Variants in ELAPOR1 observed in about 807,000 individuals in gnomAD.
ELAPOR1 encodes endosome-lysosome associated apoptosis and autophagy regulator 1.
ELAPOR1 carries 77 observed loss-of-function variants against 119.7 expected under a neutral mutation model. That is an observed-to-expected ratio of 0.64 (90% CI 0.54 to 0.78). The LOEUF is 0.78. Among genes scored for constraint, ELAPOR1 ranks in the 30% least tolerant of loss-of-function variants. The pLI, the probability that ELAPOR1 is intolerant of heterozygous loss-of-function variation, is 0.00. For synonymous variants in ELAPOR1, 481 were observed against 487.2 expected, an observed-to-expected ratio of 0.99 and a Z score of 0.17; for missense variants, 1,115 against 1,270.4, an observed-to-expected ratio of 0.88 and a Z score of 1.86.
At position 109,195,222 on chromosome 1, in the gene ELAPOR1, G is replaced by A. The variant is rs144304015; in HGVS notation, c.2121+628G>A. 2.5e-3 allele frequency among the ~76,000 whole-genome samples: 376 copies of A among 152,224 alleles called. 11 individuals are homozygous for A. The East Asian group carries it at 0.031, about 12-fold the overall frequency. On this transcript the variant is annotated intron_variant, in intron 15 of 21. Transcript: ENST00000369939. ...AATATGCAGGAGGAAGGCTAGGCGC[G>A]GTGGCTCACGCCTGTAAACCCAGCA... is the stretch of plus-strand genomic sequence containing the variant.
intron 1 of ELAPOR1, among the ~76,000 whole-genome samples, chr1:109,154,141 C>A (rs971561180): frequency 2.0e-5 from 3 of 151,370 alleles, no homozygotes; most frequent in African/African-American, 4.9e-5. Context: ...ATTAGCTGGG[C>A]ATGGTGGTGC....
chr1:109,184,916 A>T, intron 7 of ELAPOR1, 129 bp from the exon 8 acceptor site: 1 of 734,676 alleles, frequency 1.4e-6, no homozygotes, highest in Non-Finnish European at 2.4e-6. Flanking sequence ...AGTGTGCAGG[A>T]TTTTCTACTT....
chr1:109,126,990 G>T (rs1263963705), intron 1 of ELAPOR1, among the ~76,000 whole-genome samples: 1 of 152,014 alleles, frequency 6.6e-6, no homozygotes, highest in Non-Finnish European at 1.5e-5. Flanking sequence ...CAAATTTTTT[G>T]AAAACAAGTC....
intron 18 of ELAPOR1, 88 bp from the exon 19 acceptor site, chr1:109,199,766 A>T: frequency 6.7e-7 from 1 of 1,500,824 alleles, no homozygotes; most frequent in Admixed American, 1.7e-5. Context: ...AGGGTAAATC[A>T]GGCAAGCTAT....
At chr1:109,138,570 C>CCACCAGCAGCAGCAGCAG (rs1649626909) in intron 1 of ELAPOR1, among the ~76,000 whole-genome samples, 5 of 151,080 alleles carry the variant, frequency 3.3e-5, no homozygotes, top group African/African-American at 9.7e-5. Context: ...TCCCTCCCCA[C>CCACCAGCAGCAGCAGCAG]CAGCAGCAGC....
intron 12 of ELAPOR1, 68 bp from the exon 13 acceptor site, chr1:109,191,658 G>T: frequency 6.3e-7 from 1 of 1,593,280 alleles, no homozygotes; most frequent in East Asian, 2.2e-5. Flanking sequence ...ACCTGGGATG[G>T]CAGCCACATG....
In ELAPOR1 at chr1:109,191,469, G is replaced by GT. The variant is rs756606157; in HGVS notation, c.1544dup (p.Val517CysfsTer4). ...TGTGAACTGTGAGCTCTACTTCATGGTGGTACGTTTTCCTTTCTTTGCCCG... is the reference window on the plus strand; with the variant it reads ...TGTGAACTGTGAGCTCTACTTCATGGTTGGTACGTTTTCCTTTCTTTGCCCG... On this transcript the variant is annotated frameshift_variant and splice_region_variant, in exon 12 of 22. Transcript: ENST00000369939. LOFTEE classifies it high-confidence loss of function. 7.9e-5 allele frequency: 127 copies of GT among 1,613,308 alleles called. No homozygotes were observed. The highest frequency in any genetic ancestry group is 1.0e-4 in the Non-Finnish European group (119 of 1,179,340).
At chr1:109,177,545 C>G (rs976386148) in intron 7 of ELAPOR1, among the ~76,000 whole-genome samples, 3 of 145,810 alleles carry the variant, frequency 2.1e-5, no homozygotes, top group Non-Finnish European at 3.0e-5. Flanking sequence ...GGGTGGCGGC[C>G]GGGCAGAGGC....
intron 1 of ELAPOR1, among the ~76,000 whole-genome samples, chr1:109,143,933 T>C (rs1163801120): frequency 3.3e-5 from 5 of 151,336 alleles, no homozygotes. Flanking sequence ...AGTGCTGGGA[T>C]TATAGGTGTG....
chr1:109,202,136 G>A lies in ELAPOR1; in HGVS notation c.2974-808G>A, dbSNP rs553614498. ...TATTTATTTATTTATTTATTGAGAC[G>A]GAGTGTTGCTCTGTCTCCCAGGCTG... On this transcript the variant is annotated intron_variant, in intron 21 of 21. Transcript: ENST00000369939. Among the ~76,000 whole-genome samples the A allele has an allele frequency of 1.3e-4, 20 of 152,162 alleles. No individual in the cohort carries two copies. The South Asian group carries it at 1.9e-3, about 14-fold the overall frequency.
Position 109,192,712 on chromosome 1 carries a change from C to A in ELAPOR1, c.1785C>A (p.Ala595=), listed in dbSNP as rs1421161478. The A allele has an allele frequency of 2.5e-6, 4 of 1,614,010 alleles. No individual in the cohort carries two copies. The highest frequency in any genetic ancestry group is 3.4e-6 in the Non-Finnish European group (4 of 1,180,026). The change falls in exon 14 of 22, where the codon GCC becomes GCA. Residue 595 remains alanine, a synonymous_variant. Transcript: ENST00000369939. ...ACTGCCGTCCCTGTGCCCTAGAAGC[C>A]TCTGATGTGGGCTCCTCCTGCACCT... ...ASYCRPCALE[A]SDVGSSCTSC...
chr1:109,184,276 C>T (rs1476152551), intron 7 of ELAPOR1, among the ~76,000 whole-genome samples: 2 of 152,138 alleles, frequency 1.3e-5, no homozygotes, highest in Admixed American at 6.5e-5. Context: ...GAAGCTGAGG[C>T]AGGAGAATCA....
intron 7 of ELAPOR1, among the ~76,000 whole-genome samples, chr1:109,183,328 CA>C (rs67807553): frequency 0.011 from 334 of 29,434 alleles, 1 homozygote; most frequent in Middle Eastern, 0.045. Context: ...CTGTCTCTAC[CA>C]AAAAAAAAAA....
chr1:109,131,666 A>G (rs1486924631), intron 1 of ELAPOR1, among the ~76,000 whole-genome samples: 1 of 152,192 alleles, frequency 6.6e-6, no homozygotes, highest in Non-Finnish European at 1.5e-5. Context: ...TAATGCACGT[A>G]TATAAGAGAT....
chr1:109,122,522 G>T (rs145843641), intron 1 of ELAPOR1, among the ~76,000 whole-genome samples: 2,422 of 152,046 alleles, frequency 0.016, 26 homozygotes, highest in African/African-American at 0.02. Flanking sequence ...TTAGCTATGT[G>T]TGGTGGCCCA....
At chr1:109,135,654 C>T (rs1208444943) in intron 1 of ELAPOR1, among the ~76,000 whole-genome samples, 1 of 152,158 alleles carries the variant, frequency 6.6e-6, no homozygotes, top group Non-Finnish European at 1.5e-5. Flanking sequence ...ATGGAAAGTA[C>T]AAGAGCTTTG....
chr1:109,137,119 T>G (rs1649521077), intron 1 of ELAPOR1, among the ~76,000 whole-genome samples: 1 of 152,220 alleles, frequency 6.6e-6, no homozygotes, highest in Admixed American at 6.5e-5. Context: ...TCTGATGCTT[T>G]TACTTAGAGT....
intron 1 of ELAPOR1, among the ~76,000 whole-genome samples, chr1:109,115,917 G>A (rs996203595): frequency 3.5e-4 from 54 of 152,142 alleles, no homozygotes; most frequent in African/African-American, 1.2e-3. Flanking sequence ...CACTGGCCTT[G>A]ATGGCCTGTG....
At chr1:109,186,937 C>A in intron 8 of ELAPOR1, 7 of 985,546 alleles carry the variant, frequency 7.1e-6, no homozygotes, top group Non-Finnish European at 8.4e-6. Flanking sequence ...GCAGCACAGC[C>A]AAGGCCCAGC....
Sources: allele counts gnomAD v4.1 joint callset (sites outside exome capture counted in the v4.1 genomes callset), GRCh38; gene constraint gnomAD v4.1.1; transcripts MANE v1.5; gene names NCBI Gene and HGNC (gene_info 2026-07-23, HGNC 2026-07-21).